Variants in CFTR observed in about 807,000 individuals in gnomAD.
The protein encoded by CFTR is CF transmembrane conductance regulator.
In CFTR, 181 loss-of-function variants were observed where a neutral mutation model predicts 171.6. The observed-to-expected ratio is 1.05, with a 90% CI of 0.93 to 1.19. CFTR has a LOEUF of 1.19. Among genes scored for constraint, CFTR ranks in the 50% most tolerant of loss-of-function variants. The pLI, the probability that CFTR is intolerant of heterozygous loss-of-function variation, is 0.00. For synonymous variants in CFTR, 583 were observed against 608.0 expected (o/e 0.96, Z 0.60); for missense variants, 1,968 against 1,734.7 (o/e 1.13, Z -2.39).
In CFTR at chr7:117,647,596, G is replaced by A. The variant is rs541342674; in HGVS notation, c.3873+5003G>A. Among the ~76,000 whole-genome samples, 4 of 151,482 alleles carry A rather than the reference G, an allele frequency of 2.6e-5. No homozygotes were observed. In the East Asian group the frequency reaches 7.8e-4, roughly 29 times the overall value. The stretch of plus-strand genomic sequence containing the variant: ...CCATGATCCAGTTACCTCCCACCAG[G>A]CCCCGCCTCCAACACTGGGAATTAC... On this transcript the variant is annotated intron_variant, in intron 23 of 26. Coordinates refer to ENST00000003084, the MANE Select transcript of CFTR (RefSeq NM_000492.4).
At chr7:117,495,394 AT>A (rs963491656) in intron 1 of CFTR, among the ~76,000 whole-genome samples, 6 of 152,004 alleles carry the variant, frequency 3.9e-5, no homozygotes, top group South Asian at 2.1e-4. Context: ...GATGGGTGGG[AT>A]TTTTTTTGTA....
chr7:117,550,870 C>T (rs74910752), intron 10 of CFTR, among the ~76,000 whole-genome samples: 163 of 152,124 alleles, frequency 1.1e-3, no homozygotes, highest in Non-Finnish European at 1.9e-3. Context: ...TTCTGAGAAA[C>T]GGAGTTTACT....
intron 3 of CFTR, among the ~76,000 whole-genome samples, chr7:117,517,995 G>A (rs1171924946): frequency 6.6e-6 from 1 of 152,006 alleles, no homozygotes; most frequent in African/African-American, 2.4e-5. Flanking sequence ...CTCCCATTCT[G>A]TAAGTTGCCT....
chr7:117,648,209 A>C, intron 23 of CFTR, among the ~76,000 whole-genome samples: 1 of 151,848 alleles, frequency 6.6e-6, no homozygotes, highest in East Asian at 1.9e-4. Context: ...ACAAAGCCAA[A>C]CAGCACTGTA....
intron 10 of CFTR, among the ~76,000 whole-genome samples, chr7:117,549,204 C>T (rs972109147): frequency 1.3e-5 from 2 of 152,052 alleles, no homozygotes; most frequent in Non-Finnish European, 2.9e-5. Context: ...GCCTTAGTAA[C>T]CACATAAACA....
intron 11 of CFTR, among the ~76,000 whole-genome samples, chr7:117,571,516 C>A (rs998106447): frequency 6.6e-6 from 1 of 152,068 alleles, no homozygotes; most frequent in South Asian, 2.1e-4. Flanking sequence ...AGAAACCAGA[C>A]TTTTTAAGGG....
rs987123234 is a variant in CFTR at position 117,610,676 on chromosome 7, C to A, written c.3139+7C>A. ...AAACAACTGGAATCTGAAGGTATGA[C>A]AGTGAATGTGCGATACTCATCTTGT... On this transcript the variant is annotated splice_region_variant and intron_variant, in intron 19 of 26. Transcript: ENST00000003084. The A allele has an allele frequency of 6.2e-7, 1 of 1,612,910 alleles. No homozygotes were observed. Among genetic ancestry groups the A allele is most frequent in the Non-Finnish European group, 8.5e-7 (1 of 1,179,318 alleles).
chr7:117,626,451 G>T (rs764224415), intron 21 of CFTR, among the ~76,000 whole-genome samples: 2 of 152,016 alleles, frequency 1.3e-5, no homozygotes, highest in Non-Finnish European at 2.9e-5. Context: ...GTAAAGGAAA[G>T]CTAGTTAAGT....
intron 24 of CFTR, among the ~76,000 whole-genome samples, chr7:117,660,768 A>G (rs975949685): frequency 1.3e-5 from 2 of 151,940 alleles, no homozygotes; most frequent in African/African-American, 4.8e-5. Flanking sequence ...GCCACAGATC[A>G]CTAAATCAGA....
chr7:117,661,478 G>A (rs997490842), intron 24 of CFTR, among the ~76,000 whole-genome samples: 4 of 152,272 alleles, frequency 2.6e-5, no homozygotes, highest in South Asian at 2.1e-4. Context: ...TCCTAGTACG[G>A]CCTTAGGAAC....
chr7:117,529,631 CTCAA>C (rs1474230350), intron 3 of CFTR, among the ~76,000 whole-genome samples: 2 of 151,920 alleles, frequency 1.3e-5, no homozygotes, highest in Non-Finnish European at 2.9e-5. Flanking sequence ...CACAAAGCTG[CTCAA>C]TCAATGACAG....
intron 1 of CFTR, among the ~76,000 whole-genome samples, chr7:117,497,765 C>A (rs1271172065): frequency 1.3e-5 from 2 of 151,902 alleles, no homozygotes; most frequent in African/African-American, 4.8e-5. Flanking sequence ...TGATAGTGAG[C>A]ATTATATGAA....
At chr7:117,654,247 C>G (rs34637736) in intron 24 of CFTR, among the ~76,000 whole-genome samples, 1 of 152,070 alleles carries the variant, frequency 6.6e-6, no homozygotes, top group Non-Finnish European at 1.5e-5. Context: ...GGGCATTGCC[C>G]TAATGTGGGC....
chr7:117,541,797 TATC>T (rs978094476), intron 8 of CFTR, among the ~76,000 whole-genome samples: 2 of 152,178 alleles, frequency 1.3e-5, no homozygotes, highest in African/African-American at 2.4e-5. Context: ...TTTTATAAAA[TATC>T]ATATGTTTAG....
intron 3 of CFTR, among the ~76,000 whole-genome samples, chr7:117,513,149 T>C (rs1256675166): frequency 6.6e-6 from 1 of 152,038 alleles, no homozygotes; most frequent in Admixed American, 6.6e-5. Context: ...CATAAATGTA[T>C]TTGACATGTA....
chr7:117,542,149 T>A (rs771089566), intron 9 of CFTR, 41 bp downstream of exon 9: 3 of 925,770 alleles, frequency 3.2e-6, no homozygotes, highest in Non-Finnish European at 5.4e-6. Context: ...AACACCTAAC[T>A]GTTTTCTTCT....
intron 10 of CFTR, among the ~76,000 whole-genome samples, chr7:117,549,999 G>A (rs1292397439): frequency 6.6e-6 from 1 of 152,120 alleles, no homozygotes; most frequent in African/African-American, 2.4e-5. Context: ...AATTGAATAT[G>A]AGACTTGGGA....
chr7:117,653,423 C>G (rs527542242), intron 24 of CFTR, among the ~76,000 whole-genome samples: 2 of 152,142 alleles, frequency 1.3e-5, no homozygotes, highest in Non-Finnish European at 2.9e-5. Flanking sequence ...TGAGAGCATA[C>G]TTCCTGGTTC....
intron 1 of CFTR, among the ~76,000 whole-genome samples, chr7:117,481,442 A>G (rs1419268910): frequency 6.6e-6 from 1 of 152,226 alleles, no homozygotes; most frequent in Non-Finnish European, 1.5e-5. Context: ...CAGAAGAATG[A>G]ATATTTCATG....
Sources: allele counts gnomAD v4.1 joint callset (sites outside exome capture counted in the v4.1 genomes callset), GRCh38; gene constraint gnomAD v4.1.1; transcripts MANE v1.5; gene names NCBI Gene and HGNC (gene_info 2026-07-23, HGNC 2026-07-21).